The following LRRC49 variants were observed in gnomAD, a reference collection of about 807,000 sequenced individuals.
LRRC49 encodes the protein leucine rich repeat containing 49.
LRRC49 carries 50 observed loss-of-function variants against 83.3 expected under a neutral mutation model. The ratio of observed to expected loss-of-function variants is 0.60; its 90% CI spans 0.48 to 0.76. The LOEUF is 0.76. Among genes scored for constraint, LRRC49 ranks in the 30% least tolerant of loss-of-function variants. The pLI is 0.00. For missense variants in LRRC49, 704 were observed against 809.1 expected (o/e 0.87, Z 1.58); for synonymous variants, 286 against 283.3 (o/e 1.01, Z -0.10).
At chr15:71,016,848 G>A (rs918740854) in intron 14 of LRRC49, among the ~76,000 whole-genome samples, 2 of 152,190 alleles carry the variant, frequency 1.3e-5, no homozygotes, top group African/African-American at 2.4e-5. Context: ...GCTCACGCCT[G>A]TAGTCCCAGC....
At position 70,964,238 on chromosome 15, in the gene LRRC49, G is replaced by A. The variant is rs182921605; in HGVS notation, c.921+306G>A. Among the ~76,000 whole-genome samples the A allele has an allele frequency of 2.4e-4, 37 of 152,074 alleles. No individual in the cohort carries two copies. In the East Asian group the frequency reaches 4.4e-3, roughly 18 times the overall value. ...ATGAGTGAGAATTTCTTTAAGTTAT[G>A]TAGCATAGTGGTTAAGAGCATGGAC... On this transcript the variant is annotated intron_variant, in intron 9 of 15. Transcript: ENST00000260382.
At chr15:70,866,663 A>C (rs574007530) in intron 1 of LRRC49, among the ~76,000 whole-genome samples, 1 of 152,278 alleles carries the variant, frequency 6.6e-6, no homozygotes, top group African/African-American at 2.4e-5. Flanking sequence ...CAGTGACGGG[A>C]TATAGATAAG....
chr15:70,982,313 C>T (rs1444812343), intron 10 of LRRC49, among the ~76,000 whole-genome samples: 3 of 152,078 alleles, frequency 2.0e-5, no homozygotes, highest in African/African-American at 7.2e-5. Context: ...CTGCCCTGGC[C>T]TCTTTCAAAG....
At chr15:70,968,865 G>A (rs887994850) in intron 9 of LRRC49, among the ~76,000 whole-genome samples, 1 of 152,096 alleles carries the variant, frequency 6.6e-6, no homozygotes, top group Non-Finnish European at 1.5e-5. Flanking sequence ...TACGTTCCTT[G>A]TAGATTCTGG....
intron 11 of LRRC49, among the ~76,000 whole-genome samples, chr15:70,996,219 G>A (rs531059285): frequency 1.4e-4 from 21 of 152,120 alleles, no homozygotes; most frequent in African/African-American, 4.8e-4. Context: ...AGATTATAAT[G>A]CAAAATCAGT....
intron 10 of LRRC49, among the ~76,000 whole-genome samples, chr15:70,981,613 G>T (rs569791574): frequency 6.6e-6 from 1 of 151,266 alleles, no homozygotes; most frequent in Non-Finnish European, 1.5e-5. Context: ...TATTTTCCTT[G>T]TAACCTTAGA....
chr15:70,916,024 A>G (rs936657018), intron 6 of LRRC49, among the ~76,000 whole-genome samples: 15 of 152,198 alleles, frequency 9.9e-5, no homozygotes, highest in Non-Finnish European at 1.9e-4. Context: ...GAAATTTCAA[A>G]TATACTGTGA....
intron 2 of LRRC49, chr15:70,882,164 T>A (rs1029865679): frequency 3.2e-5 from 9 of 283,648 alleles, no homozygotes; most frequent in African/African-American, 4.4e-5. Flanking sequence ...CAATGCTTAA[T>A]TTTGATTAGG....
chr15:70,873,080 T>G, exon 2 of LRRC49: 1 of 728,802 alleles, frequency 1.4e-6, no homozygotes, highest in Non-Finnish European at 2.4e-6. Flanking sequence ...AGGCGGGGTT[T>G]CACCATCTTG....
intron 2 of LRRC49, chr15:70,873,259 A>G: frequency 6.5e-7 from 1 of 1,531,580 alleles, no homozygotes; most frequent in Non-Finnish European, 8.8e-7. Context: ...AATTTTGTAT[A>G]ACAATTATAC....
intron 13 of LRRC49, among the ~76,000 whole-genome samples, chr15:71,010,382 C>A (rs933366722): frequency 2.0e-5 from 3 of 149,836 alleles, no homozygotes; most frequent in Non-Finnish European, 4.4e-5. Context: ...GGAAGTAAAA[C>A]CTAAATGTCA....
intron 10 of LRRC49, 71 bp downstream of exon 10, chr15:70,980,255 G>A: frequency 2.8e-6 from 3 of 1,072,576 alleles, no homozygotes; most frequent in Non-Finnish European, 4.1e-6. Flanking sequence ...CAGCTAGCTA[G>A]TCTACTGGAA....
At position 71,009,881 on chromosome 15, in the gene LRRC49, C is replaced by G; in HGVS notation, c.1482C>G (p.Asp494Glu). The G allele has an allele frequency of 6.2e-7, 1 of 1,612,196 alleles. No homozygotes were observed. The highest frequency in any genetic ancestry group is 2.2e-5 in the East Asian group (1 of 44,812). Residue 494 changes from aspartate to glutamate, a missense_variant, in exon 13 of 16, where the codon GAC (aspartate) becomes GAG (glutamate). This residue lies in a region of LRRC49 where 275 missense variants were observed against 338.0 expected (regional missense o/e 0.81). Transcript: ENST00000260382. The part of the protein sequence containing the change: ...FNALAQLRRI[D>E]QLTIDPQGNP... The stretch of plus-strand genomic sequence containing the variant: ...CACTAGCCCAACTCCGTCGTATTGA[C>G]CAGTTGACAATTGATCCTCAAGGAA...
Position 70,904,559 on chromosome 15 carries a change from C to G in LRRC49, c.304C>G (p.Leu102Val). Residue 102 changes from leucine (L) to valine (V), a missense_variant, in exon 5 of 16, where the codon CTG becomes GTG. Leu to Val is a conservative substitution (Grantham distance 32). Transcript: ENST00000260382. Reference sequence around the variant, plus strand: ...TTTTAACATTTTTTCTAGACAAAAGCTGACCGTATGTCCTATCATCAATGG... The same window carrying G: ...TTTTAACATTTTTTCTAGACAAAAGGTGACCGTATGTCCTATCATCAATGG... Reference protein sequence around the residue: ...SDRLSLERQKLTVCPIINGED... With the variant: ...SDRLSLERQKVTVCPIINGED... 1 of 1,610,540 alleles carries G rather than the reference C, an allele frequency of 6.2e-7. No individual in the cohort carries two copies. Among genetic ancestry groups the G allele is most frequent in the Non-Finnish European group, 8.5e-7 (1 of 1,177,664 alleles).
At chr15:71,041,050 C>G (rs1188214172) in intron 15 of LRRC49, among the ~76,000 whole-genome samples, 1 of 152,112 alleles carries the variant, frequency 6.6e-6, no homozygotes, top group African/African-American at 2.4e-5. Context: ...GAAGAGGACT[C>G]TGAGCTTCAG....
chr15:70,869,132 T>A (rs2032974024), intron 1 of LRRC49, among the ~76,000 whole-genome samples: 1 of 152,186 alleles, frequency 6.6e-6, no homozygotes, highest in East Asian at 1.9e-4. Flanking sequence ...TAAAAAGAAA[T>A]GTTTATGATA....
At chr15:70,893,102 C>T in intron 1 of LRRC49, 160 bp downstream of exon 1, 1 of 761,282 alleles carries the variant, frequency 1.3e-6, no homozygotes. Flanking sequence ...GACCAAGGCA[C>T]AATTTAATAT....
intron 6 of LRRC49, among the ~76,000 whole-genome samples, chr15:70,915,835 G>T (rs1406735235): frequency 1.3e-5 from 2 of 151,874 alleles, no homozygotes; most frequent in Non-Finnish European, 2.9e-5. Flanking sequence ...TTTTAAACGT[G>T]GTCATAGGTT....
intron 7 of LRRC49, among the ~76,000 whole-genome samples, chr15:70,933,244 T>C (rs1419636633): frequency 1.3e-5 from 2 of 152,190 alleles, no homozygotes; most frequent in African/African-American, 4.8e-5. Context: ...AAAAATGTTT[T>C]GAATATTATT....
Sources: gnomAD v4.1 joint callset for allele counts (sites outside exome capture counted in the v4.1 genomes callset) on GRCh38, gnomAD v4.1.1 for gene constraint, gnomAD v4.1.1 regional missense constraint, MANE v1.5 for transcripts, NCBI Gene and HGNC (gene_info 2026-07-23, HGNC 2026-07-21) for gene names.